Variants in EHMT1 observed in about 807,000 individuals in gnomAD.
EHMT1 encodes histone-lysine N-methyltransferase EHMT1.
EHMT1 carries 15 observed loss-of-function variants against 147.2 expected under a neutral mutation model. The observed-to-expected ratio is 0.10, with a 90% CI of 0.07 to 0.16. EHMT1 has a LOEUF of 0.16. EHMT1 is among the 10% of genes least tolerant of loss of function. EHMT1 has a pLI of 1.00. For missense variants in EHMT1, 1,587 were observed against 1,772.4 expected (o/e 0.90, Z 1.88); for synonymous variants, 795 against 709.6 (o/e 1.12, Z -1.91).
rs1950963241 is a variant in EHMT1 at position 137,776,434 on chromosome 9, A to C, written c.1792-184A>C. On this transcript the variant is annotated intron_variant, in intron 11 of 26. Transcript: ENST00000460843. The surrounding 1 kb of genome is among the most constrained non-coding windows in gnomAD (Gnocchi z 4.4). ...AGCTTCTTCTCTGTGGGGCGAGAGC[A>C]CCACGGGAAGCATCGTTCCTCCTTC... 6.7e-6 allele frequency: 4 copies of C among 593,536 alleles called. No homozygotes were observed. In the South Asian group the frequency reaches 7.6e-5, roughly 11 times the overall value. 36.8% of individuals were successfully genotyped at this position (593,536 alleles called of 1,614,324 possible). A position where few individuals can be genotyped will look rare whatever the true frequency, so the allele number is the denominator to read the frequency against.
Position 137,810,538 on chromosome 9 carries a change from A to G in EHMT1, c.2713-923A>G, listed in dbSNP as rs145783894. On this transcript the variant is annotated intron_variant, in intron 18 of 26. Coordinates refer to ENST00000460843, the MANE Select transcript of EHMT1 (RefSeq NM_024757.5). ...TATGTTTACCGTTCATCTTTTTCTT[A>G]CCTACGTTTTTTATTTTCTTCTCCT... 2.7e-4 allele frequency among the ~76,000 whole-genome samples: 41 copies of G among 152,134 alleles called. No homozygotes were observed. The East Asian group carries it at 5.8e-3, about 21-fold the overall frequency.
Position 137,782,902 on chromosome 9 carries a change from C to T in EHMT1, c.2382+505C>T, listed in dbSNP as rs779309586. ...TATTCTGAACCATCTGAACGCTGCC[C>T]GCTTGTCTCTGGGTTCAGACACACG... is the stretch of plus-strand genomic sequence containing the variant. On this transcript the variant is annotated intron_variant, in intron 15 of 26. Transcript: ENST00000460843. This position sits in a 1 kb window ranked among gnomAD's most constrained non-coding sequence, Gnocchi z 5.7. Among the ~76,000 whole-genome samples, 2 of 151,968 alleles carry T rather than the reference C, an allele frequency of 1.3e-5. No homozygotes were observed. The highest frequency in any genetic ancestry group is 4.8e-5 in the African/African-American group (2 of 41,312).
At chr9:137,815,922 G>T in intron 22 of EHMT1, 25 bp from the exon 23 acceptor site, 4 of 1,564,366 alleles carry the variant, frequency 2.6e-6, no homozygotes, top group Middle Eastern at 1.7e-4. Context: ...CCTCTGCTGG[G>T]CCCTTGCTGC....
chr9:137,655,510 T>C (rs903101003), intron 1 of EHMT1, among the ~76,000 whole-genome samples: 1 of 152,192 alleles, frequency 6.6e-6, no homozygotes, highest in African/African-American at 2.4e-5. Context: ...TGTTGAAGAA[T>C]GAATGAATGA....
chr9:137,647,849 G>A (rs750470835), intron 1 of EHMT1, among the ~76,000 whole-genome samples: 1 of 151,996 alleles, frequency 6.6e-6, no homozygotes, highest in Non-Finnish European at 1.5e-5. Flanking sequence ...CACCCGCCTC[G>A]GCCTCCCAAG....
intron 9 of EHMT1, among the ~76,000 whole-genome samples, chr9:137,760,000 C>T (rs1356829518): frequency 2.6e-5 from 4 of 152,174 alleles, no homozygotes; most frequent in Non-Finnish European, 2.9e-5. Context: ...CGTATGCATT[C>T]GTCTCTTTCC....
intron 1 of EHMT1, among the ~76,000 whole-genome samples, chr9:137,619,774 T>G (rs1026290360): frequency 2.0e-5 from 3 of 152,090 alleles, no homozygotes; most frequent in Non-Finnish European, 4.4e-5. Context: ...AAGGATAGTT[T>G]GTTTCCTTGC....
intron 1 of EHMT1, among the ~76,000 whole-genome samples, chr9:137,695,283 A>T (rs966030535): frequency 6.6e-6 from 1 of 152,150 alleles, no homozygotes; most frequent in Non-Finnish European, 1.5e-5. Context: ...CGTTGAGCCT[A>T]GGCCTTGGTG....
chr9:137,645,160 G>A (rs11137166), intron 1 of EHMT1, among the ~76,000 whole-genome samples: 19,812 of 152,284 alleles, frequency 0.13, 1,722 homozygotes, highest in Non-Finnish European at 0.2. Flanking sequence ...GGCGTGAGCC[G>A]CCACGGCCTG....
At chr9:137,761,099 G>A (rs11137203) in intron 9 of EHMT1, among the ~76,000 whole-genome samples, 43,208 of 152,152 alleles carry the variant, frequency 0.28, 6,619 homozygotes, top group Admixed American at 0.41. Flanking sequence ...CAAACCAGAA[G>A]CACGTTGGGA....
intron 12 of EHMT1, 128 bp from the exon 13 acceptor site, chr9:137,777,742 AACCGTTAAATCC>A (rs1951064479): frequency 7.7e-7 from 1 of 1,298,982 alleles, no homozygotes. Flanking sequence ...CTGAATCCTG[AACCGTTAAATCC>A]AGGGACTAAG....
At chr9:137,743,239 G>A in intron 4 of EHMT1, 132 bp from the exon 5 acceptor site, 1 of 1,114,926 alleles carries the variant, frequency 9.0e-7, no homozygotes, top group Non-Finnish European at 1.3e-6. Flanking sequence ...GCGGGCAGTG[G>A]GCCTGTTGTG....
At chr9:137,712,265 A>T (rs754872779) in intron 2 of EHMT1, among the ~76,000 whole-genome samples, 30 of 152,040 alleles carry the variant, frequency 2.0e-4, no homozygotes, top group Admixed American at 9.8e-4. Context: ...CCTACGTGAC[A>T]CCAGATGCCA....
intron 16 of EHMT1, among the ~76,000 whole-genome samples, chr9:137,794,853 G>A (rs1021665304): frequency 1.3e-5 from 2 of 152,066 alleles, no homozygotes; most frequent in Non-Finnish European, 2.9e-5. Flanking sequence ...AAACATGTTC[G>A]GGTAAAAAAG....
At chr9:137,627,238 A>G (rs1338257877) in intron 1 of EHMT1, among the ~76,000 whole-genome samples, 1 of 147,840 alleles carries the variant, frequency 6.8e-6, no homozygotes, top group Non-Finnish European at 1.5e-5. Flanking sequence ...GATTGTAGGC[A>G]TGAACCACCA....
At chr9:137,831,294 G>A (rs1454176171) in intron 25 of EHMT1, among the ~76,000 whole-genome samples, 1 of 152,216 alleles carries the variant, frequency 6.6e-6, no homozygotes, top group Admixed American at 6.5e-5. Flanking sequence ...TACACAAAAA[G>A]TGGTAGAGTG....
chr9:137,735,744 T>C (rs1032729697), intron 4 of EHMT1, among the ~76,000 whole-genome samples: 50 of 152,286 alleles, frequency 3.3e-4, no homozygotes, highest in African/African-American at 1.1e-3. Context: ...ATCAGTGCCC[T>C]CCCTCCAGGT....
intron 1 of EHMT1, among the ~76,000 whole-genome samples, chr9:137,687,877 C>T (rs550161469): frequency 1.8e-4 from 27 of 152,342 alleles, no homozygotes; most frequent in Admixed American, 9.8e-4. Flanking sequence ...CATCGTGTCA[C>T]CGTCTTCACG....
At chr9:137,623,996 CTTTCT>C (rs1360135415) in intron 1 of EHMT1, among the ~76,000 whole-genome samples, 1 of 142,470 alleles carries the variant, frequency 7.0e-6, no homozygotes, top group African/African-American at 2.7e-5. Context: ...ATTTTTCTTT[CTTTCT>C]TTTTTTTTTT....
Sources: gnomAD v4.1 joint callset for allele counts (sites outside exome capture counted in the v4.1 genomes callset) on GRCh38, gnomAD v4.1.1 for gene constraint, Gnocchi (gnomAD v3.1) non-coding constraint, MANE v1.5 for transcripts, NCBI Gene and HGNC (gene_info 2026-07-23, HGNC 2026-07-21) for gene names.